The following TEAD3 variants were observed in gnomAD, a reference collection of about 807,000 sequenced individuals.
The protein encoded by TEAD3 is TEA domain transcription factor 3, also known as transcriptional enhancer factor TEF-5.
In TEAD3, 15 loss-of-function variants were observed where a neutral mutation model predicts 55.6. The ratio of observed to expected loss-of-function variants is 0.27; its 90% CI spans 0.18 to 0.42. TEAD3 has a LOEUF of 0.42. TEAD3 is among the 10% of genes least tolerant of loss of function. The pLI is 1.00. For synonymous variants in TEAD3, 210 were observed against 232.2 expected (o/e 0.90, Z 0.87); for missense variants, 407 against 576.8 (o/e 0.71, Z 3.01).
rs1768355089 is a variant in TEAD3, at chr6:35,485,459, C to G, written c.203-835G>C. On this transcript the variant is annotated intron_variant, in intron 2 of 12. Coordinates refer to ENST00000639578, the Ensembl canonical transcript of TEAD3. This position sits in a 1 kb window ranked among gnomAD's most constrained non-coding sequence, Gnocchi z 4.3. Reference sequence around the variant, plus strand: ...GTCAGCATGGTCAAGGTGTACACCTCTACCCCCAAATCCAGGCTCTCTGCC... The same window carrying G: ...GTCAGCATGGTCAAGGTGTACACCTGTACCCCCAAATCCAGGCTCTCTGCC... Among the ~76,000 whole-genome samples the G allele has an allele frequency of 6.6e-6, 1 of 152,200 alleles. No homozygotes were observed. The highest frequency in any genetic ancestry group is 1.5e-5 in the Non-Finnish European group (1 of 68,028).
intron 3 of TEAD3, among the ~76,000 whole-genome samples, chr6:35,482,127 G>C (rs1468107306): frequency 2.0e-5 from 3 of 152,094 alleles, no homozygotes; most frequent in Admixed American, 2.0e-4. Flanking sequence ...TGAGATTCCA[G>C]GTGCACACCA....
downstream of TEAD3, chr6:35,474,754 C>G (rs1452068112): frequency 1.3e-5 from 5 of 375,242 alleles, no homozygotes; most frequent in Non-Finnish European, 2.4e-5. Context: ...TGTCCCCTAT[C>G]CCCACCTCTC....
chr6:35,486,834 TC>T lies in TEAD3; in HGVS notation c.-49-124del. ...CCAAGCCCACCCTAGGAGCAGGTGC[TC>T]CAGGTGGAACGGAGGTAACCAGAGG... On this transcript the variant is annotated intron_variant, in intron 1 of 12. Transcript: ENST00000639578. The surrounding 1 kb of genome is among the most constrained non-coding windows in gnomAD (Gnocchi z 7.3). The T allele has an allele frequency of 1.5e-6, 1 of 668,962 alleles. No homozygotes were observed. Among genetic ancestry groups the T allele is most frequent in the Non-Finnish European group, 2.5e-6 (1 of 400,114 alleles). The allele number at this position is 668,962 out of a possible 1,614,324, so 41.4% of individuals were successfully genotyped here.
intron 3 of TEAD3, among the ~76,000 whole-genome samples, chr6:35,481,581 A>G (rs374607962): frequency 6.6e-6 from 1 of 152,230 alleles, no homozygotes; most frequent in Non-Finnish European, 1.5e-5. Flanking sequence ...TACTGAGCAC[A>G]GATACTATCG....
rs144760284 is a variant in TEAD3 at position 35,483,552 on chromosome 6, G to A, written c.267+1008C>T. Among the ~76,000 whole-genome samples the A allele has an allele frequency of 5.4e-4, 82 of 152,230 alleles. No homozygotes were observed. Among genetic ancestry groups the A allele is most frequent in the Admixed American group, 2.4e-3 (36 of 15,302 alleles). On this transcript the variant is annotated intron_variant, in intron 3 of 12. Transcript: ENST00000639578. This position sits in a 1 kb window ranked among gnomAD's most constrained non-coding sequence, Gnocchi z 4.5. Reference sequence around the variant, plus strand: ...TCCCACCACCACTACCCTCATCCCAGGCCCTGGCACTGTTGATCTAGGCCT... The same window carrying A: ...TCCCACCACCACTACCCTCATCCCAAGCCCTGGCACTGTTGATCTAGGCCT...
intron 5 of TEAD3, 54 bp from the exon 6 acceptor site, chr6:35,478,625 G>T: frequency 1.3e-6 from 2 of 1,537,940 alleles, no homozygotes; most frequent in Non-Finnish European, 1.8e-6. Flanking sequence ...GGCCAGGCTT[G>T]CTTTAGCGCC....
In TEAD3 at chr6:35,475,509, G is replaced by A; in HGVS notation, c.1042-21C>T. ...TCAGTCTGCAGAGAATATGGAGAAG[G>A]CGTCACTCGGCCTGCCTGCTCCCAG... is the stretch of plus-strand genomic sequence containing the variant. On this transcript the variant is annotated intron_variant, in intron 11 of 12. Transcript: ENST00000639578. The surrounding 1 kb of genome is among the most constrained non-coding windows in gnomAD (Gnocchi z 5.4). The A allele has an allele frequency of 6.2e-7, 1 of 1,606,008 alleles. No homozygotes were observed. The highest frequency in any genetic ancestry group is 8.5e-7 in the Non-Finnish European group (1 of 1,173,948).
At chr6:35,477,655 T>C (rs1035122622) in intron 7 of TEAD3, among the ~76,000 whole-genome samples, 5 of 120,208 alleles carry the variant, frequency 4.2e-5, no homozygotes, top group Non-Finnish European at 8.0e-5. Flanking sequence ...TGAGGGTCTT[T>C]TGATGAAAGT....
chr6:35,494,610 C>T (rs1454975083), intron 1 of TEAD3, among the ~76,000 whole-genome samples: 3 of 152,164 alleles, frequency 2.0e-5, no homozygotes, highest in Non-Finnish European at 4.4e-5. Context: ...GCTGCGACCT[C>T]CTAGCCCCTT....
At chr6:35,492,837 G>C (rs1347030635) in intron 1 of TEAD3, among the ~76,000 whole-genome samples, 1 of 152,124 alleles carries the variant, frequency 6.6e-6, no homozygotes, top group African/African-American at 2.4e-5. Flanking sequence ...CCTGTAGAGA[G>C]AAGGGCCCAG....
At position 35,488,478 on chromosome 6, in the gene TEAD3, C is replaced by G. The variant is rs773675224; in HGVS notation, c.-49-1767G>C. 6.6e-6 allele frequency among the ~76,000 whole-genome samples: 1 copy of G among 152,076 alleles called. No individual in the cohort carries two copies. Among genetic ancestry groups the G allele is most frequent in the African/African-American group, 2.4e-5 (1 of 41,408 alleles). ...ACCTAAGAGCCCATGATGGCTGGAT[C>G]CTGGGACTTAGCTCTGGGCAGCAGG... On this transcript the variant is annotated intron_variant, in intron 1 of 12. Coordinates refer to ENST00000639578, the Ensembl canonical transcript of TEAD3. The surrounding 1 kb of genome is among the most constrained non-coding windows in gnomAD (Gnocchi z 4.2).
In TEAD3 at chr6:35,484,562, G is replaced by A; in HGVS notation, c.265C>T (p.Gln89Ter). 1.2e-6 allele frequency: 2 copies of A among 1,603,294 alleles called. No homozygotes were observed. The highest frequency in any genetic ancestry group is 1.7e-6 in the Non-Finnish European group (2 of 1,174,926). ...CCCAGCATAAACCGTCTCTCTACCT[G>A]TTTTCTCGTCCGAGTCTTCCCCGTC... The change falls in exon 3 of 13, where the codon CAG becomes TAG. Residue 89 changes from glutamine (Q) to a stop codon, truncating the protein, a stop_gained and splice_region_variant. Transcript: ENST00000639578. LOFTEE classifies it high-confidence loss of function. This position sits in a 1 kb window ranked among gnomAD's most constrained non-coding sequence, Gnocchi z 5.8.
At chr6:35,494,759 C>G (rs1241445195) in intron 1 of TEAD3, among the ~76,000 whole-genome samples, 2 of 152,020 alleles carry the variant, frequency 1.3e-5, no homozygotes, top group African/African-American at 4.8e-5. Flanking sequence ...GAGGGTAGAG[C>G]CACCCAAGCG....
chr6:35,479,199 G>A, intron 5 of TEAD3, 106 bp downstream of exon 5: 3 of 1,457,690 alleles, frequency 2.1e-6, no homozygotes, highest in South Asian at 1.2e-5. Context: ...TTAAAATGAG[G>A]CTTGCACACC....
At position 35,475,812 on chromosome 6, in the gene TEAD3, C is replaced by T. The variant is rs981372951; in HGVS notation, c.901-106G>A. On this transcript the variant is annotated intron_variant, in intron 10 of 12. Transcript: ENST00000639578. The surrounding 1 kb of genome is among the most constrained non-coding windows in gnomAD (Gnocchi z 5.4). Reference sequence around the variant, plus strand: ...GGATCCATCTCTGGCACTCTGCCCACAAGCCATGAGGATGCAGCAGGGTCA... The same window carrying T: ...GGATCCATCTCTGGCACTCTGCCCATAAGCCATGAGGATGCAGCAGGGTCA... 1 of 1,504,696 alleles carries T rather than the reference C, an allele frequency of 6.6e-7. No individual in the cohort carries two copies. Among genetic ancestry groups the T allele is most frequent in the Non-Finnish European group, 8.9e-7 (1 of 1,127,866 alleles). 93.2% of individuals were successfully genotyped at this position (1,504,696 alleles called of 1,614,324 possible).
downstream of TEAD3, chr6:35,474,741 A>C: frequency 3.1e-6 from 1 of 327,598 alleles, no homozygotes; most frequent in Non-Finnish European, 5.6e-6. Context: ...TGGAGGCTGA[A>C]GGTGTCCCCT....
chr6:35,488,543 G>A lies in TEAD3; in HGVS notation c.-49-1832C>T, dbSNP rs1768436226. On this transcript the variant is annotated intron_variant, in intron 1 of 12. Transcript: ENST00000639578. This position sits in a 1 kb window ranked among gnomAD's most constrained non-coding sequence, Gnocchi z 4.2. ...GGAGATGTAGGGGACACCGTCAGAA[G>A]CCAGGGAGAGGAAGATGAATTCCAG... Among the ~76,000 whole-genome samples the A allele has an allele frequency of 6.6e-6, 1 of 152,050 alleles. No individual in the cohort carries two copies. Among genetic ancestry groups the A allele is most frequent in the Non-Finnish European group, 1.5e-5 (1 of 68,006 alleles).
At position 35,475,065 on chromosome 6, in the gene TEAD3, G is replaced by C. The variant is rs1768113845; in HGVS notation, c.1287C>G (p.Val429=). The change falls in exon 13 of 13, where the codon GTC becomes GTG. Residue 429 remains valine, a synonymous_variant. Coordinates refer to ENST00000639578, the Ensembl canonical transcript of TEAD3. The surrounding 1 kb of genome is among the most constrained non-coding windows in gnomAD (Gnocchi z 5.4). ...CACCCTAGTCTTTGACGAGCTTGTA[G>C]ACATGGTGCTGGGCCCCGTGCTCAC... The C allele has an allele frequency of 6.3e-7, 1 of 1,591,848 alleles. No homozygotes were observed. Among genetic ancestry groups the C allele is most frequent in the Admixed American group, 1.8e-5 (1 of 56,586 alleles).
intron 1 of TEAD3, among the ~76,000 whole-genome samples, chr6:35,492,142 C>G (rs1385648886): frequency 1.3e-5 from 2 of 152,212 alleles, no homozygotes; most frequent in Non-Finnish European, 2.9e-5. Context: ...GGGACCCCAG[C>G]CCCCAAAGCA....
Sources: gnomAD v4.1 joint callset for allele counts (sites outside exome capture counted in the v4.1 genomes callset) on GRCh38, gnomAD v4.1.1 for gene constraint, Gnocchi (gnomAD v3.1) non-coding constraint, MANE v1.5 for transcripts, NCBI Gene and HGNC (gene_info 2026-07-23, HGNC 2026-07-21) for gene names.